GPATCH2: variants seen among roughly 807,000 people sequenced by gnomAD.
GPATCH2 encodes the protein G patch domain-containing protein 2.
A neutral mutation model predicts 58.0 loss-of-function variants in GPATCH2; 51 were observed. That is an observed-to-expected ratio of 0.88 (90% CI 0.70 to 1.11). GPATCH2 has a LOEUF of 1.11. Ranked by LOEUF, GPATCH2 falls within the 50% of genes most tolerant of loss-of-function variation. The probability of loss-of-function intolerance (pLI) is 0.00; values close to 1 mark genes in which losing one functional copy is unlikely to be tolerated. For synonymous variants in GPATCH2, 222 were observed against 218.5 expected (o/e 1.02, Z -0.14); for missense variants, 625 against 652.2 (o/e 0.96, Z 0.45).
At chr1:217,464,844 T>G (rs1660369602) in intron 8 of GPATCH2, among the ~76,000 whole-genome samples, 1 of 152,108 alleles carries the variant, frequency 6.6e-6, no homozygotes, top group African/African-American at 2.4e-5. Flanking sequence ...TTCAGAACAG[T>G]GTTGCAGATA....
rs35737297 is a variant in GPATCH2 at position 217,431,312 on chromosome 1, T to C, written c.1420A>G (p.Met474Val). Residue 474 changes from methionine (M) to valine (V), a missense_variant, in exon 10 of 10, where the codon ATG becomes GTG. Transcript: ENST00000366935. ...GGCGTCCAGCCCATATTCTGAAGCATTCGGTTTCCAATATTATTTTCTAGG... is the reference window on the plus strand; with the variant it reads ...GGCGTCCAGCCCATATTCTGAAGCACTCGGTTTCCAATATTATTTTCTAGG... ...PILENNIGNR[M>V]LQNMGWTPGS... 64,872 of 1,609,214 alleles carry C rather than the reference T, an allele frequency of 0.04. 1,509 individuals carry two copies. Among genetic ancestry groups the C allele is most frequent in the Middle Eastern group, 0.059 (355 of 6,056 alleles).
intron 6 of GPATCH2, 149 bp downstream of exon 6, chr1:217,514,673 T>C (rs1663033004): frequency 2.2e-6 from 1 of 457,678 alleles, no homozygotes; most frequent in Non-Finnish European, 4.0e-6. Context: ...TTCGTTTAAG[T>C]TGTTCTTACA....
intron 5 of GPATCH2, among the ~76,000 whole-genome samples, chr1:217,585,124 T>A (rs1001672266): frequency 8.5e-5 from 13 of 152,066 alleles, no homozygotes; most frequent in African/African-American, 3.1e-4. Context: ...TGTCTTTAAT[T>A]TTGTCTGTTT....
intron 5 of GPATCH2, among the ~76,000 whole-genome samples, chr1:217,594,216 A>G (rs1437003349): frequency 6.6e-6 from 1 of 152,156 alleles, no homozygotes; most frequent in Admixed American, 6.6e-5. Flanking sequence ...GTGAGGCACG[A>G]GGCAAAAATG....
chr1:217,555,842 T>A (rs1665591246), intron 5 of GPATCH2, among the ~76,000 whole-genome samples: 1 of 152,196 alleles, frequency 6.6e-6, no homozygotes, highest in African/African-American at 2.4e-5. Context: ...TTCTTTCATG[T>A]ACCTATATCA....
intron 5 of GPATCH2, among the ~76,000 whole-genome samples, chr1:217,571,795 A>T (rs1666565897): frequency 6.6e-6 from 1 of 151,176 alleles, no homozygotes; most frequent in Non-Finnish European, 1.5e-5. Context: ...TGGAAGGCTG[A>T]GGCACGAGAA....
At chr1:217,552,077 A>G (rs926178477) in intron 5 of GPATCH2, among the ~76,000 whole-genome samples, 1 of 152,108 alleles carries the variant, frequency 6.6e-6, no homozygotes, top group African/African-American at 2.4e-5. Flanking sequence ...TTCAAGTAGT[A>G]TATCTAGTTG....
intron 5 of GPATCH2, chr1:217,609,211 C>T (rs994826895): frequency 2.0e-6 from 2 of 983,994 alleles, no homozygotes; most frequent in African/African-American, 3.5e-5. Context: ...ACATTTTCCC[C>T]CCAGTTGGTG....
At chr1:217,619,266 G>A (rs1669062466) in intron 2 of GPATCH2, among the ~76,000 whole-genome samples, 1 of 152,038 alleles carries the variant, frequency 6.6e-6, no homozygotes, top group Non-Finnish European at 1.5e-5. Flanking sequence ...GACAAAACCA[G>A]GTGTTTCTAG....
chr1:217,501,387 A>T (rs1164622223), intron 6 of GPATCH2, among the ~76,000 whole-genome samples: 1 of 152,116 alleles, frequency 6.6e-6, no homozygotes, highest in African/African-American at 2.4e-5. Context: ...GGCTATTATG[A>T]ATAAAGCTGC....
rs1196448932 is a variant in GPATCH2, at chr1:217,430,891, G to A, written c.*254C>T. ...TGAGACTAAAATAAATAAGAGAAAC[G>A]AGCTGCTCTTTATACCTAGAAATAG... On this transcript the variant is annotated 3_prime_UTR_variant, in exon 10 of 10. Coordinates refer to ENST00000366935, the MANE Select transcript of GPATCH2 (RefSeq NM_018040.5). 4.5e-5 allele frequency: 23 copies of A among 511,678 alleles called. 1 individual carries two copies. Among genetic ancestry groups the A allele is most frequent in the Non-Finnish European group, 7.0e-5 (20 of 287,416 alleles). 31.7% of individuals were successfully genotyped at this position (511,678 alleles called of 1,614,324 possible).
At chr1:217,596,251 C>A (rs1667823169) in intron 5 of GPATCH2, among the ~76,000 whole-genome samples, 1 of 152,100 alleles carries the variant, frequency 6.6e-6, no homozygotes, top group Non-Finnish European at 1.5e-5. Flanking sequence ...ACCAAAATAT[C>A]TGGCTGAGAT....
intron 3 of GPATCH2, among the ~76,000 whole-genome samples, chr1:217,613,472 T>C (rs1371608112): frequency 1.3e-5 from 2 of 152,066 alleles, no homozygotes; most frequent in Non-Finnish European, 2.9e-5. Flanking sequence ...GTATGTATGA[T>C]TTGTATGGAG....
chr1:217,500,433 T>C (rs1426500908), intron 6 of GPATCH2, among the ~76,000 whole-genome samples: 1 of 152,042 alleles, frequency 6.6e-6, no homozygotes, highest in Non-Finnish European at 1.5e-5. Context: ...ACCTCTTGTT[T>C]CCTGTATCCC....
intron 5 of GPATCH2, among the ~76,000 whole-genome samples, chr1:217,602,937 T>G (rs1026513370): frequency 2.0e-5 from 3 of 152,164 alleles, no homozygotes; most frequent in Non-Finnish European, 4.4e-5. Context: ...TTATTAATAT[T>G]AGCAACATGA....
chr1:217,604,240 A>T (rs891096940), intron 5 of GPATCH2, among the ~76,000 whole-genome samples: 1 of 151,818 alleles, frequency 6.6e-6, no homozygotes, highest in African/African-American at 2.4e-5. Context: ...AGTCTCAGTT[A>T]CTAGGGAGGC....
At chr1:217,458,856 A>T (rs1660075454) in intron 8 of GPATCH2, among the ~76,000 whole-genome samples, 1 of 152,020 alleles carries the variant, frequency 6.6e-6, no homozygotes, top group Non-Finnish European at 1.5e-5. Flanking sequence ...TTCCATATCA[A>T]TCTGTGCATG....
At chr1:217,590,424 T>C (rs965661582) in intron 5 of GPATCH2, among the ~76,000 whole-genome samples, 2 of 152,146 alleles carry the variant, frequency 1.3e-5, no homozygotes, top group Non-Finnish European at 2.9e-5. Flanking sequence ...CACTTACTCA[T>C]TTAGGTCATC....
chr1:217,476,158 A>G (rs1341691212), intron 8 of GPATCH2, among the ~76,000 whole-genome samples: 2 of 152,150 alleles, frequency 1.3e-5, no homozygotes, highest in Non-Finnish European at 2.9e-5. Flanking sequence ...GTGAATATCT[A>G]CACAGATAAT....
Sources: gnomAD v4.1 joint callset for allele counts (sites outside exome capture counted in the v4.1 genomes callset) on GRCh38, gnomAD v4.1.1 for gene constraint, MANE v1.5 for transcripts, NCBI Gene and HGNC (gene_info 2026-07-23, HGNC 2026-07-21) for gene names.